The following GLB1 variants were observed in gnomAD, a reference collection of about 807,000 sequenced individuals.
GLB1 encodes beta-galactosidase.
A neutral mutation model predicts 74.0 loss-of-function variants in GLB1; 56 were observed. The ratio of observed to expected loss-of-function variants is 0.76; its 90% CI spans 0.61 to 0.94. The LOEUF (loss-of-function observed/expected upper bound fraction) is 0.94. Among genes scored for constraint, GLB1 ranks in the 40% least tolerant of loss-of-function variants. GLB1 has a pLI of 0.00. For missense variants in GLB1, 787 were observed against 845.5 expected, an observed-to-expected ratio of 0.93 and a Z score of 0.86; for synonymous variants, 323 against 323.6, an observed-to-expected ratio of 1.00 and a Z score of 0.02.
At chr3:33,034,727 C>A in intron 10 of GLB1, 1 of 699,358 alleles carries the variant, frequency 1.4e-6, no homozygotes. Context: ...GGTTGATGGG[C>A]AGTGGGTGTG....
chr3:32,977,813 A>C, the GLB1 span, among the ~76,000 whole-genome samples: 3 of 152,174 alleles, frequency 2.0e-5, no homozygotes, highest in African/African-American at 7.2e-5. Flanking sequence ...GACACCGTTC[A>C]GGGGAAACTA....
intron 1 of GLB1, chr3:33,091,792 A>T (rs992311436): frequency 2.0e-6 from 2 of 985,484 alleles, no homozygotes; most frequent in South Asian, 4.7e-5. Context: ...TTTCCATCAC[A>T]AGCCTAAATC....
chr3:32,991,791 A>G (rs1205157470), downstream of GLB1, among the ~76,000 whole-genome samples: 3 of 152,246 alleles, frequency 2.0e-5, no homozygotes, highest in African/African-American at 7.2e-5. Flanking sequence ...GAGTGAAGGA[A>G]TTGCCAGATG....
chr3:32,971,643 C>G, the GLB1 span, among the ~76,000 whole-genome samples: 1 of 152,218 alleles, frequency 6.6e-6, no homozygotes, highest in Non-Finnish European at 1.5e-5. Flanking sequence ...ACTATATCGC[C>G]TGATGGGGAA....
At chr3:33,065,426 C>T (rs760087061) in intron 5 of GLB1, 37 bp downstream of exon 5, 26 of 1,552,060 alleles carry the variant, frequency 1.7e-5, no homozygotes, top group Admixed American at 5.7e-5. Context: ...GATGGGAACC[C>T]CTCCCCCAAT....
At chr3:33,043,050 G>C (rs1332741841) in intron 10 of GLB1, among the ~76,000 whole-genome samples, 1 of 152,168 alleles carries the variant, frequency 6.6e-6, no homozygotes, top group Non-Finnish European at 1.5e-5. Flanking sequence ...ACTAAACCCA[G>C]AGAATTAAAA....
downstream of GLB1, among the ~76,000 whole-genome samples, chr3:32,992,011 T>A (rs1338535832): frequency 3.3e-5 from 5 of 152,250 alleles, no homozygotes. Context: ...GGCAAGGAAT[T>A]CAATATGTTG....
intron 13 of GLB1, among the ~76,000 whole-genome samples, chr3:33,017,843 C>G (rs1407107121): frequency 6.6e-6 from 1 of 152,112 alleles, no homozygotes; most frequent in Non-Finnish European, 1.5e-5. Context: ...GAAGGGCGGC[C>G]TTGGCTGGGG....
rs1473132094 is a variant in GLB1 at position 33,058,140 on chromosome 3, G to A, written c.682C>T (p.Leu228=). 6.2e-7 allele frequency: 1 copy of A among 1,613,934 alleles called. No homozygotes were observed. Among genetic ancestry groups the A allele is most frequent in the Non-Finnish European group, 8.5e-7 (1 of 1,180,010 alleles). The change falls in exon 6 of 16, where the codon CTG becomes TTG. Residue 228 remains leucine, a synonymous_variant. Transcript: ENST00000307363. The part of the protein sequence containing the change: ...FTTDGAHKTF[L]KCGALQGLYT... Reference sequence around the variant, plus strand: ...AGGCCCTGCAGGGCCCCACATTTCAGGAATGTTTTATGTGCTCCATCAGTG... The same window carrying A: ...AGGCCCTGCAGGGCCCCACATTTCAAGAATGTTTTATGTGCTCCATCAGTG...
chr3:33,031,946 C>T (rs568649784), intron 10 of GLB1, among the ~76,000 whole-genome samples: 5 of 151,902 alleles, frequency 3.3e-5, no homozygotes, highest in Non-Finnish European at 5.9e-5. Context: ...TACAGGCATA[C>T]GCCATCATGC....
intron 9 of GLB1, among the ~76,000 whole-genome samples, chr3:33,049,925 C>CA (rs917156848): frequency 2.6e-5 from 4 of 152,026 alleles, no homozygotes; most frequent in African/African-American, 9.7e-5. Flanking sequence ...TCTCAGCCTG[C>CA]AAAAAAGATA....
At position 33,034,164 on chromosome 3, in the gene GLB1, GAT is replaced by G. The variant is rs1180127804; in HGVS notation, c.1069-9841_1069-9840del. 7.9e-6 allele frequency: 5 copies of G among 630,682 alleles called. No homozygotes were observed. The Middle Eastern group carries it at 8.1e-4, about 102-fold the overall frequency. 39.1% of individuals were successfully genotyped at this position (630,682 alleles called of 1,614,324 possible). ...TGGGAGAAGACCCACGACCCCTCAG[GAT>G]ATGACTCCTCCGTGAACTCTGTATG... On this transcript the variant is annotated intron_variant, in intron 10 of 15. Transcript: ENST00000307363.
chr3:32,977,594 T>G, the GLB1 span, among the ~76,000 whole-genome samples: 1 of 152,170 alleles, frequency 6.6e-6, no homozygotes. Context: ...AGACTCCCTC[T>G]CAGTCTGTGA....
At chr3:33,041,911 A>G (rs962766894) in intron 10 of GLB1, among the ~76,000 whole-genome samples, 4 of 152,074 alleles carry the variant, frequency 2.6e-5, no homozygotes, top group African/African-American at 9.7e-5. Flanking sequence ...TAGTACATAT[A>G]CTAGACAAGT....
chr3:32,966,061 G>A, the GLB1 span, among the ~76,000 whole-genome samples: 2 of 152,228 alleles, frequency 1.3e-5, no homozygotes. Flanking sequence ...CAGAAGGGAA[G>A]GTGGGGTTGG....
the GLB1 span, among the ~76,000 whole-genome samples, chr3:32,962,745 C>T: frequency 2.0e-5 from 3 of 151,280 alleles, no homozygotes; most frequent in Non-Finnish European, 4.4e-5. Context: ...TATATATTAT[C>T]TATACATAGT....
At chr3:33,054,516 G>A (rs1008116873) in intron 6 of GLB1, among the ~76,000 whole-genome samples, 2 of 152,170 alleles carry the variant, frequency 1.3e-5, no homozygotes, top group Non-Finnish European at 2.9e-5. Flanking sequence ...TGGTTGACCT[G>A]GATGCACCCC....
chr3:32,962,363 T>C, the GLB1 span, among the ~76,000 whole-genome samples: 4 of 151,082 alleles, frequency 2.6e-5, no homozygotes, highest in African/African-American at 9.9e-5. Flanking sequence ...GTTCAGTAAG[T>C]ATAGCAAATG....
At chr3:32,966,194 GCAGA>G in the GLB1 span, among the ~76,000 whole-genome samples, 1 of 152,182 alleles carries the variant, frequency 6.6e-6, no homozygotes, top group Non-Finnish European at 1.5e-5. Flanking sequence ...TGAAAAAACT[GCAGA>G]CAGTGTCAGC....
Sources: allele counts gnomAD v4.1 joint callset (sites outside exome capture counted in the v4.1 genomes callset), GRCh38; gene constraint gnomAD v4.1.1; transcripts MANE v1.5; gene names NCBI Gene and HGNC (gene_info 2026-07-23, HGNC 2026-07-21).